The following RP1 variants were observed in gnomAD, a reference collection of about 807,000 sequenced individuals.
RP1 encodes RP1 axonemal microtubule associated.
RP1 carries 16 observed loss-of-function variants against 14.8 expected under a neutral mutation model. That is an observed-to-expected ratio of 1.08 (90% CI 0.73 to 1.65). RP1 has a LOEUF of 1.65. Among genes scored for constraint, RP1 ranks in the 40% most tolerant of loss-of-function variants. The pLI, the probability that RP1 is intolerant of heterozygous loss-of-function variation, is 0.00. For missense variants in RP1, 2,631 were observed against 2,535.0 expected, an observed-to-expected ratio of 1.04 and a Z score of -0.81; for synonymous variants, 876 against 883.6, an observed-to-expected ratio of 0.99 and a Z score of 0.15.
At chr8:54,596,155 T>C (rs1039489602) in intron 1 of RP1, among the ~76,000 whole-genome samples, 2 of 152,248 alleles carry the variant, frequency 1.3e-5, no homozygotes, top group Non-Finnish European at 2.9e-5. Context: ...TTTTTCATTC[T>C]TGTCCTATGC....
At chr8:54,718,383 G>A (rs1808453125) in intron 15 of RP1, among the ~76,000 whole-genome samples, 1 of 152,172 alleles carries the variant, frequency 6.6e-6, no homozygotes, top group African/African-American at 2.4e-5. Context: ...GATCAATGGA[G>A]CAGAATAGAA....
At chr8:54,685,693 A>G (rs1001273870) in intron 12 of RP1, among the ~76,000 whole-genome samples, 2 of 152,084 alleles carry the variant, frequency 1.3e-5, no homozygotes, top group Non-Finnish European at 2.9e-5. Flanking sequence ...CTCATCAGCT[A>G]TCCTTAGTGT....
At chr8:54,621,663 C>T in intron 2 of RP1, 82 bp downstream of exon 2, 5 of 1,594,080 alleles carry the variant, frequency 3.1e-6, no homozygotes, top group South Asian at 1.1e-5. Context: ...TGAATGGTGG[C>T]CCCCGGGAAG....
In RP1 at chr8:54,630,161, T is replaced by C. The variant is rs113609041; in HGVS notation, c.6279T>C (p.Cys2093=). The C allele has an allele frequency of 3.1e-6, 5 of 1,613,804 alleles. No homozygotes were observed. Among genetic ancestry groups the C allele is most frequent in the South Asian group, 1.1e-5 (1 of 91,074 alleles). ...LNQVVRENIN[C]HYFFEMLGQA... Reference sequence around the variant, plus strand: ...AAGTAGTAAGAGAAAATATCAACTGTCATTACTTCTTTGAAATGCTTGGTC... The same window carrying C: ...AAGTAGTAAGAGAAAATATCAACTGCCATTACTTCTTTGAAATGCTTGGTC... Residue 2093 remains cysteine (C), a synonymous_variant, in exon 4 of 4, where the codon TGT becomes TGC. Coordinates refer to ENST00000220676, the MANE Select transcript of RP1 (RefSeq NM_006269.2).
chr8:54,600,605 T>C (rs1159120434), intron 1 of RP1, among the ~76,000 whole-genome samples: 1 of 152,048 alleles, frequency 6.6e-6, no homozygotes. Context: ...ACTGATATCA[T>C]CCAGTGTAGG....
At chr8:54,844,678 C>T (rs1018742595) in intron 25 of RP1, among the ~76,000 whole-genome samples, 2 of 152,202 alleles carry the variant, frequency 1.3e-5, no homozygotes, top group South Asian at 2.1e-4. Context: ...TCCCATAGAT[C>T]GTTTCCCAAT....
intron 1 of RP1, among the ~76,000 whole-genome samples, chr8:54,611,056 C>T (rs776302577): frequency 2.0e-5 from 3 of 152,120 alleles, no homozygotes; most frequent in African/African-American, 2.4e-5. Context: ...TTGAATATAT[C>T]ATACTGTGCC....
intron 1 of RP1, among the ~76,000 whole-genome samples, chr8:54,586,415 G>A (rs1053802606): frequency 1.3e-5 from 2 of 152,218 alleles, no homozygotes; most frequent in Non-Finnish European, 2.9e-5. Flanking sequence ...CTACTGGGGG[G>A]TGCCTCCCAG....
At position 54,840,010 on chromosome 8, in the gene RP1, G is replaced by C. The variant is rs904992261; in HGVS notation, c.3835+2341G>C. Among the ~76,000 whole-genome samples the C allele has an allele frequency of 8.5e-5, 13 of 152,162 alleles. No individual in the cohort carries two copies. The East Asian group carries it at 2.5e-3, about 30-fold the overall frequency. ...TGGCAGTGGTATCCAGGGATGCCCA[G>C]AAAATGATGAAGTGGGAAAAATGAA... On this transcript the variant is annotated intron_variant, in intron 25 of 28. Transcript: ENST00000637698.
chr8:54,709,998 G>T (rs1321836880), intron 15 of RP1, among the ~76,000 whole-genome samples: 1 of 152,118 alleles, frequency 6.6e-6, no homozygotes, highest in Non-Finnish European at 1.5e-5. Context: ...GTATTGGCTG[G>T]CCATGCCATC....
intron 24 of RP1, among the ~76,000 whole-genome samples, chr8:54,787,434 T>C (rs1023000244): frequency 6.6e-6 from 1 of 152,126 alleles, no homozygotes; most frequent in Non-Finnish European, 1.5e-5. Context: ...GAAATTTGTT[T>C]AATATTGACT....
intron 24 of RP1, among the ~76,000 whole-genome samples, chr8:54,814,611 T>A (rs1411689056): frequency 1.3e-5 from 2 of 152,192 alleles, no homozygotes; most frequent in Admixed American, 6.5e-5. Context: ...AGTCTCCCAA[T>A]TTGCCCTATT....
chr8:54,787,311 G>A (rs974472591), intron 24 of RP1, among the ~76,000 whole-genome samples: 8 of 152,078 alleles, frequency 5.3e-5, no homozygotes, highest in Non-Finnish European at 1.0e-4. Context: ...CTAGAGAACA[G>A]GGACTAGACC....
chr8:54,868,436 T>C (rs560929460), intron 28 of RP1, among the ~76,000 whole-genome samples: 2 of 152,178 alleles, frequency 1.3e-5, no homozygotes, highest in Non-Finnish European at 2.9e-5. Context: ...TAAAAAATTA[T>C]CTTGCTATTC....
chr8:54,807,938 T>G (rs1810898023), intron 24 of RP1, among the ~76,000 whole-genome samples: 1 of 151,408 alleles, frequency 6.6e-6, no homozygotes, highest in South Asian at 2.1e-4. Context: ...GAAGGCAATC[T>G]GCTTTCCTGA....
chr8:54,593,002 C>A (rs1413846436), intron 1 of RP1, among the ~76,000 whole-genome samples: 1 of 152,174 alleles, frequency 6.6e-6, no homozygotes. Context: ...AAGTACCTGG[C>A]TTTCTAGCCT....
chr8:54,732,634 T>G (rs577349790), intron 17 of RP1, among the ~76,000 whole-genome samples: 8 of 152,148 alleles, frequency 5.3e-5, no homozygotes, highest in Non-Finnish European at 7.4e-5. Flanking sequence ...GGATCACCAG[T>G]TTCTCTCTGG....
At chr8:54,778,034 C>T (rs1003005883) in intron 23 of RP1, among the ~76,000 whole-genome samples, 1 of 152,122 alleles carries the variant, frequency 6.6e-6, no homozygotes, top group Non-Finnish European at 1.5e-5. Flanking sequence ...GGTAGCCATG[C>T]TTTTCAAAAT....
Position 54,630,248 on chromosome 8 carries a change from T to C in RP1, c.6366T>C (p.Ile2122=), listed in dbSNP as rs114157620. Residue 2122 remains isoleucine, a synonymous_variant, in exon 4 of 4, where the codon ATT becomes ATC. Transcript: ENST00000220676. ...ETSLNISNRN[I]LELCMFEGEN... ...CCTTAAATATTAGCAACAGAAATAT[T>C]TTAGAACTTTGTATGTTTGAGGGTG... is the stretch of plus-strand genomic sequence containing the variant. 435 of 1,613,716 alleles carry C rather than the reference T, an allele frequency of 2.7e-4. 1 individual carries two copies. In the African/African-American group the frequency reaches 5.1e-3, roughly 19 times the overall value.
Sources: allele counts gnomAD v4.1 joint callset (sites outside exome capture counted in the v4.1 genomes callset), GRCh38; gene constraint gnomAD v4.1.1; transcripts MANE v1.5; gene names NCBI Gene and HGNC (gene_info 2026-07-23, HGNC 2026-07-21).